Variants in RBMS3 observed in about 807,000 individuals in gnomAD.
RBMS3 encodes RNA binding motif single stranded interacting protein 3, also known as RNA-binding motif, single-stranded-interacting protein 3.
RBMS3 carries 27 observed loss-of-function variants against 66.8 expected under a neutral mutation model. That is an observed-to-expected ratio of 0.40 (90% CI 0.30 to 0.56). The LOEUF (loss-of-function observed/expected upper bound fraction) is 0.56, where lower values mean the gene tolerates loss of function less well. Among genes scored for constraint, RBMS3 ranks in the 20% least tolerant of loss-of-function variants. The probability of loss-of-function intolerance (pLI) is 0.40; values close to 1 mark genes in which losing one functional copy is unlikely to be tolerated. For missense variants in RBMS3, 513 were observed against 549.5 expected, an observed-to-expected ratio of 0.93 and a Z score of 0.66; for synonymous variants, 188 against 183.0, an observed-to-expected ratio of 1.03 and a Z score of -0.22.
intron 1 of RBMS3, among the ~76,000 whole-genome samples, chr3:29,381,271 G>A (rs4287886): frequency 0.37 from 56,468 of 152,002 alleles, 10,884 homozygotes; most frequent in East Asian, 0.62. Context: ...TTGTGAGCCT[G>A]TAAGAGAAGC....
At chr3:29,951,113 A>T (rs889101515) in intron 12 of RBMS3, among the ~76,000 whole-genome samples, 1 of 151,840 alleles carries the variant, frequency 6.6e-6, no homozygotes, top group South Asian at 2.1e-4. Flanking sequence ...AATTTTGTAA[A>T]TCTTCCACAA....
intron 1 of RBMS3, among the ~76,000 whole-genome samples, chr3:29,362,459 C>T (rs1363970634): frequency 6.6e-6 from 1 of 152,196 alleles, no homozygotes; most frequent in East Asian, 1.9e-4. Context: ...TCTGCCCCTA[C>T]TGGGGGCTGC....
intron 12 of RBMS3, among the ~76,000 whole-genome samples, chr3:29,984,288 G>A (rs962517214): frequency 1.3e-5 from 2 of 151,726 alleles, no homozygotes; most frequent in African/African-American, 4.8e-5. Flanking sequence ...TTTTTAAACG[G>A]GTTATTCTAG....
chr3:29,845,442 C>A (rs1427897844), intron 6 of RBMS3, among the ~76,000 whole-genome samples: 1 of 152,136 alleles, frequency 6.6e-6, no homozygotes, highest in Non-Finnish European at 1.5e-5. Context: ...CATTTATATT[C>A]ATTTTATCTA....
intron 5 of RBMS3, among the ~76,000 whole-genome samples, chr3:29,748,401 A>G (rs1239397128): frequency 6.6e-6 from 1 of 152,222 alleles, no homozygotes; most frequent in Non-Finnish European, 1.5e-5. Flanking sequence ...ATGGCCACTC[A>G]GGAGTGTAGA....
At chr3:29,677,401 C>T (rs2051302508) in intron 4 of RBMS3, among the ~76,000 whole-genome samples, 1 of 152,094 alleles carries the variant, frequency 6.6e-6, no homozygotes, top group Non-Finnish European at 1.5e-5. Flanking sequence ...ATAGTTATTG[C>T]TTGTTCTGCA....
In RBMS3 at chr3:29,281,648, A is replaced by G; in HGVS notation, c.-34A>G. The G allele has an allele frequency of 6.3e-7, 1 of 1,585,576 alleles. No individual in the cohort carries two copies. Among genetic ancestry groups the G allele is most frequent in the South Asian group, 1.1e-5 (1 of 90,492 alleles). Reference sequence around the variant, plus strand: ...CCTGGGGCACTATACCCTGTCATCCAGTTCCCTGCCTCGGAGATAAAGATT... The same window carrying G: ...CCTGGGGCACTATACCCTGTCATCCGGTTCCCTGCCTCGGAGATAAAGATT... On this transcript the variant is annotated 5_prime_UTR_variant, in exon 1 of 15. Transcript: ENST00000383767.
At chr3:29,878,875 C>T (rs1198682916) in intron 7 of RBMS3, among the ~76,000 whole-genome samples, 1 of 151,750 alleles carries the variant, frequency 6.6e-6, no homozygotes, top group Non-Finnish European at 1.5e-5. Flanking sequence ...GACCCCATCT[C>T]TACAAAAAAA....
At chr3:29,592,036 CA>C (rs1450696661) in intron 4 of RBMS3, among the ~76,000 whole-genome samples, 1 of 151,132 alleles carries the variant, frequency 6.6e-6, no homozygotes, top group Non-Finnish European at 1.5e-5. Context: ...AGATTGAGAC[CA>C]GAGGAAAGGA....
At chr3:29,877,998 T>C (rs1343162502) in intron 7 of RBMS3, among the ~76,000 whole-genome samples, 1 of 152,072 alleles carries the variant, frequency 6.6e-6, no homozygotes, top group Non-Finnish European at 1.5e-5. Context: ...TTGTAGAAGA[T>C]AAGTTTTCCG....
At chr3:29,675,525 CTCT>C (rs1195226634) in intron 4 of RBMS3, among the ~76,000 whole-genome samples, 1 of 152,052 alleles carries the variant, frequency 6.6e-6, no homozygotes, top group Non-Finnish European at 1.5e-5. Flanking sequence ...TGCAATCTAC[CTCT>C]CTGACAAAGG....
At chr3:29,788,655 G>T (rs946834809) in intron 6 of RBMS3, among the ~76,000 whole-genome samples, 2 of 152,024 alleles carry the variant, frequency 1.3e-5, no homozygotes, top group African/African-American at 4.8e-5. Flanking sequence ...AGAGATCTAG[G>T]TTGTTTACAA....
chr3:29,565,013 T>G (rs2046692704), intron 3 of RBMS3, among the ~76,000 whole-genome samples: 1 of 152,216 alleles, frequency 6.6e-6, no homozygotes, highest in Admixed American at 6.5e-5. Flanking sequence ...CTTTCCTTTC[T>G]CCTAAGGGCA....
chr3:29,373,516 C>A (rs1482949295), intron 1 of RBMS3, among the ~76,000 whole-genome samples: 1 of 152,144 alleles, frequency 6.6e-6, no homozygotes, highest in Non-Finnish European at 1.5e-5. Flanking sequence ...GACCCCTAGA[C>A]CTTGTGGGAA....
intron 3 of RBMS3, among the ~76,000 whole-genome samples, chr3:29,494,980 G>A (rs1011661002): frequency 2.0e-4 from 30 of 151,766 alleles, no homozygotes; most frequent in African/African-American, 7.2e-4. Context: ...GTTGTCACAG[G>A]CTGGTTAAAT....
rs140073037 is a variant in RBMS3, at chr3:29,817,452, G to A, written c.638-51406G>A. On this transcript the variant is annotated intron_variant, in intron 6 of 14. Coordinates refer to ENST00000383767, the MANE Select transcript of RBMS3 (RefSeq NM_001003793.3). ...ACTCCTGACCTCAGGTGATCTGCTC[G>A]CCTCAGCCTCCCAAAGTGCTGGGAT... Among the ~76,000 whole-genome samples the A allele has an allele frequency of 6.7e-3, 1,024 of 152,088 alleles. 9 individuals carry two copies. The highest frequency in any genetic ancestry group is 0.022 in the African/African-American group (925 of 41,486).
At chr3:29,523,478 T>C (rs1429433616) in intron 3 of RBMS3, among the ~76,000 whole-genome samples, 1 of 152,136 alleles carries the variant, frequency 6.6e-6, no homozygotes, top group African/African-American at 2.4e-5. Flanking sequence ...ATGTTTAGTC[T>C]GGAAAGCAGC....
chr3:29,291,208 C>G (rs1423851644), intron 1 of RBMS3, among the ~76,000 whole-genome samples: 1 of 151,826 alleles, frequency 6.6e-6, no homozygotes, highest in African/African-American at 2.4e-5. Context: ...GGAGTTAATG[C>G]ATTTGTTTCC....
At chr3:29,827,290 A>C (rs75196687) in intron 6 of RBMS3, among the ~76,000 whole-genome samples, 6,748 of 152,214 alleles carry the variant, frequency 0.044, 227 homozygotes, top group Non-Finnish European at 0.069. Context: ...AGCAGAAATA[A>C]TTTTCAGCAA....
Sources: allele counts gnomAD v4.1 joint callset (sites outside exome capture counted in the v4.1 genomes callset), GRCh38; gene constraint gnomAD v4.1.1; transcripts MANE v1.5; gene names NCBI Gene and HGNC (gene_info 2026-07-23, HGNC 2026-07-21).